Variants in HDAC9 observed in about 807,000 individuals in gnomAD.
The protein encoded by HDAC9 is histone deacetylase 9.
In HDAC9, 41 loss-of-function variants were observed where a neutral mutation model predicts 139.4. The observed-to-expected ratio is 0.29, with a 90% CI of 0.23 to 0.38. The LOEUF (loss-of-function observed/expected upper bound fraction) is 0.38. Ranked by LOEUF, HDAC9 falls within the 10% of genes least tolerant of loss-of-function variation. The pLI is 1.00. For synonymous variants in HDAC9, 517 were observed against 476.2 expected (o/e 1.09, Z -1.12); for missense variants, 1,147 against 1,297.0 (o/e 0.88, Z 1.78).
At chr7:18,989,660 A>G (rs1293595054) in intron 25 of HDAC9, among the ~76,000 whole-genome samples, 32 of 150,634 alleles carry the variant, frequency 2.1e-4, no homozygotes, top group African/African-American at 6.9e-4. Flanking sequence ...TTCCAACTTG[A>G]TTCCATTCTC....
chr7:18,448,626 C>G (rs1047888544), intron 1 of HDAC9, among the ~76,000 whole-genome samples: 1 of 151,878 alleles, frequency 6.6e-6, no homozygotes, highest in African/African-American at 2.4e-5. Flanking sequence ...GAAAATGGAC[C>G]CATTCCATCA....
At chr7:18,214,922 T>C (rs1792191496) in intron 2 of HDAC9, among the ~76,000 whole-genome samples, 1 of 152,142 alleles carries the variant, frequency 6.6e-6, no homozygotes, top group African/African-American at 2.4e-5. Context: ...TGGAAGAGCA[T>C]ACTGTTGGTA....
At chr7:18,667,933 A>G in intron 12 of HDAC9, 3 of 981,652 alleles carry the variant, frequency 3.1e-6, no homozygotes, top group Non-Finnish European at 3.6e-6. Context: ...GATAATCCAA[A>G]TTGACCTAGA....
At chr7:18,234,518 C>T (rs1793685726) in intron 2 of HDAC9, among the ~76,000 whole-genome samples, 1 of 152,176 alleles carries the variant, frequency 6.6e-6, no homozygotes, top group African/African-American at 2.4e-5. Flanking sequence ...TTTAGCTGCT[C>T]AGGCACTGAG....
At chr7:18,309,080 A>G (rs1799122454) in intron 1 of HDAC9, among the ~76,000 whole-genome samples, 1 of 152,144 alleles carries the variant, frequency 6.6e-6, no homozygotes, top group South Asian at 2.1e-4. Context: ...CCACATTTCA[A>G]TGCATAATTG....
At chr7:18,319,702 A>G (rs932123244) in intron 1 of HDAC9, among the ~76,000 whole-genome samples, 4 of 151,046 alleles carry the variant, frequency 2.6e-5, no homozygotes, top group Admixed American at 1.3e-4. Context: ...TGTGTTCCTC[A>G]AAAAAATTTT....
chr7:18,281,182 G>C (rs940221055), intron 2 of HDAC9, among the ~76,000 whole-genome samples: 2 of 152,224 alleles, frequency 1.3e-5, no homozygotes, highest in African/African-American at 4.8e-5. Context: ...AGCTTAGTTT[G>C]TGAGTCTGAA....
chr7:18,243,623 T>A (rs1794333011), intron 2 of HDAC9, among the ~76,000 whole-genome samples: 1 of 152,216 alleles, frequency 6.6e-6, no homozygotes. Context: ...AAGGTAAGAT[T>A]GGGGAAGAAA....
intron 1 of HDAC9, among the ~76,000 whole-genome samples, chr7:18,091,552 A>G (rs1168998440): frequency 2.0e-5 from 3 of 152,228 alleles, no homozygotes; most frequent in East Asian, 1.9e-4. Flanking sequence ...ATAAGCATCA[A>G]ATAAATTTAT....
At chr7:18,445,803 G>A (rs1792240444) in intron 1 of HDAC9, among the ~76,000 whole-genome samples, 1 of 152,172 alleles carries the variant, frequency 6.6e-6, no homozygotes, top group Admixed American at 6.5e-5. Context: ...ATAGTTGACA[G>A]CAATATTTGA....
At chr7:18,660,388 G>A (rs953914294) in intron 11 of HDAC9, among the ~76,000 whole-genome samples, 4 of 152,104 alleles carry the variant, frequency 2.6e-5, no homozygotes, top group East Asian at 1.9e-4. Context: ...GATGAAAAAC[G>A]GGTAGTTATT....
chr7:18,268,488 C>G (rs1181911610), intron 2 of HDAC9, among the ~76,000 whole-genome samples: 1 of 125,976 alleles, frequency 7.9e-6, no homozygotes, highest in South Asian at 2.6e-4. Flanking sequence ...TTGCAAGAAC[C>G]AAATTAAAAA....
chr7:18,268,086 A>T (rs1326138498), intron 2 of HDAC9, among the ~76,000 whole-genome samples: 2 of 152,174 alleles, frequency 1.3e-5, no homozygotes, highest in African/African-American at 2.4e-5. Flanking sequence ...GCCTTTCTTG[A>T]TCAATTAGTA....
intron 12 of HDAC9, among the ~76,000 whole-genome samples, chr7:18,679,244 C>T (rs1174932635): frequency 6.6e-6 from 1 of 151,796 alleles, no homozygotes; most frequent in Non-Finnish European, 1.5e-5. Flanking sequence ...GTACTCTTTA[C>T]ATTCAAATAT....
intron 2 of HDAC9, among the ~76,000 whole-genome samples, chr7:18,176,055 T>A (rs1437942247): frequency 6.6e-6 from 1 of 152,190 alleles, no homozygotes; most frequent in Non-Finnish European, 1.5e-5. Context: ...TAGTGGTGTA[T>A]GACCAAGCAC....
chr7:18,549,021 C>T (rs1454284150), intron 2 of HDAC9, among the ~76,000 whole-genome samples: 1 of 152,112 alleles, frequency 6.6e-6, no homozygotes, highest in Non-Finnish European at 1.5e-5. Flanking sequence ...GGGAGGATCG[C>T]GAGGTCAAGA....
At chr7:18,570,573 G>T (rs1332299222) in intron 2 of HDAC9, among the ~76,000 whole-genome samples, 4 of 152,188 alleles carry the variant, frequency 2.6e-5, no homozygotes, top group Non-Finnish European at 5.9e-5. Flanking sequence ...AATAGAATCA[G>T]AATGGAGTGG....
intron 1 of HDAC9, among the ~76,000 whole-genome samples, chr7:18,311,130 A>G (rs1239224458): frequency 6.6e-6 from 1 of 151,970 alleles, no homozygotes; most frequent in Non-Finnish European, 1.5e-5. Flanking sequence ...AAAATAGGTT[A>G]CTGTTTTTAT....
chr7:18,858,755 G>C (rs554198527), intron 21 of HDAC9, among the ~76,000 whole-genome samples: 1 of 152,150 alleles, frequency 6.6e-6, no homozygotes, highest in African/African-American at 2.4e-5. Context: ...ACTTTGTGGA[G>C]TGAACATTGC....
Sources: gnomAD v4.1 joint callset for allele counts (sites outside exome capture counted in the v4.1 genomes callset) on GRCh38, gnomAD v4.1.1 for gene constraint, MANE v1.5 for transcripts, NCBI Gene and HGNC (gene_info 2026-07-23, HGNC 2026-07-21) for gene names.